MAGI1: variants seen among roughly 807,000 people sequenced by gnomAD.
MAGI1 encodes membrane-associated guanylate kinase, WW and PDZ domain-containing protein 1.
A neutral mutation model predicts 139.9 loss-of-function variants in MAGI1; 58 were observed. The observed-to-expected ratio is 0.41, with a 90% CI of 0.34 to 0.52. The LOEUF is 0.52. Among genes scored for constraint, MAGI1 ranks in the 20% least tolerant of loss-of-function variants. The probability of loss-of-function intolerance (pLI) is 0.12; values close to 1 mark genes in which losing one functional copy is unlikely to be tolerated. For synonymous variants in MAGI1, 812 were observed against 737.9 expected (o/e 1.10, Z -1.63); for missense variants, 1,874 against 1,901.6 (o/e 0.99, Z 0.27).
In MAGI1 at chr3:65,355,017, G is replaced by A. The variant is rs1365744066; in HGVS notation, c.*1361C>T. The A allele has an allele frequency of 3.9e-5, 6 of 152,398 alleles. No homozygotes were observed. The highest frequency in any genetic ancestry group is 4.2e-4 in the South Asian group (2 of 4,818). 9.4% of individuals were successfully genotyped at this position (152,398 alleles called of 1,614,324 possible). ...AAATACACAATGCACTGTAAGCAGCGGTTTGCTGTAGTGGTCCAACAGGTA... is the reference window on the plus strand; with the variant it reads ...AAATACACAATGCACTGTAAGCAGCAGTTTGCTGTAGTGGTCCAACAGGTA... On this transcript the variant is annotated 3_prime_UTR_variant, in exon 23 of 23. Transcript: ENST00000402939.
In MAGI1 at chr3:65,961,832, C is replaced by T. The variant is rs1273208383; in HGVS notation, c.313+76164G>A. ...TCCCCCAACCTTCCTGTCAGGCTTC[C>T]CTTAATAAAGTTTCTGCCAGATAAA... On this transcript the variant is annotated intron_variant, in intron 1 of 22. Coordinates refer to ENST00000402939, the MANE Select transcript of MAGI1 (RefSeq NM_001033057.2). 2.0e-5 allele frequency among the ~76,000 whole-genome samples: 3 copies of T among 152,144 alleles called. No individual in the cohort carries two copies. In the South Asian group the frequency reaches 6.2e-4, roughly 32 times the overall value.
At chr3:65,523,131 T>G (rs1250856001) in intron 2 of MAGI1, among the ~76,000 whole-genome samples, 1 of 152,184 alleles carries the variant, frequency 6.6e-6, no homozygotes, top group East Asian at 1.9e-4. Context: ...ACATATTATG[T>G]TTGCCAGAGT....
chr3:65,738,530 A>G (rs886352723), intron 1 of MAGI1, among the ~76,000 whole-genome samples: 1 of 152,238 alleles, frequency 6.6e-6, no homozygotes, highest in Admixed American at 6.5e-5. Flanking sequence ...AAGATTTTCA[A>G]CTTACTTTGA....
intron 2 of MAGI1, among the ~76,000 whole-genome samples, chr3:65,577,943 C>T (rs1443450165): frequency 6.6e-6 from 1 of 152,188 alleles, no homozygotes; most frequent in Non-Finnish European, 1.5e-5. Context: ...GTCTCTCTTT[C>T]TCTCTCTCAC....
intron 1 of MAGI1, among the ~76,000 whole-genome samples, chr3:65,887,970 ACTGT>A (rs2108557992): frequency 6.6e-6 from 1 of 152,272 alleles, no homozygotes; most frequent in Non-Finnish European, 1.5e-5. Flanking sequence ...TCAATAACTG[ACTGT>A]ATCATTCAAG....
intron 2 of MAGI1, among the ~76,000 whole-genome samples, chr3:65,506,310 G>A (rs1057132788): frequency 6.6e-6 from 1 of 152,112 alleles, no homozygotes; most frequent in Non-Finnish European, 1.5e-5. Flanking sequence ...GTCATAATAT[G>A]CATTAACCAT....
intron 13 of MAGI1, among the ~76,000 whole-genome samples, chr3:65,392,083 C>T (rs1943969486): frequency 6.6e-6 from 1 of 152,162 alleles, no homozygotes; most frequent in Non-Finnish European, 1.5e-5. Flanking sequence ...GGGGGCCAGC[C>T]TTCTTAGATC....
chr3:65,550,871 T>G (rs972277887), intron 2 of MAGI1, among the ~76,000 whole-genome samples: 4 of 151,936 alleles, frequency 2.6e-5, no homozygotes, highest in Non-Finnish European at 4.4e-5. Context: ...CTTGGGAGGC[T>G]GAGGTGAGAG....
chr3:65,787,924 G>A (rs777287517), intron 1 of MAGI1, among the ~76,000 whole-genome samples: 6 of 152,110 alleles, frequency 3.9e-5, no homozygotes, highest in Admixed American at 6.5e-5. Context: ...GGAAAGTGAC[G>A]GGGTTAAGAA....
chr3:65,831,279 G>A (rs773940824), intron 1 of MAGI1, among the ~76,000 whole-genome samples: 8 of 152,136 alleles, frequency 5.3e-5, no homozygotes, highest in African/African-American at 1.4e-4. Flanking sequence ...AGCCTCCTCC[G>A]CTAATTCTGA....
chr3:65,884,264 G>A (rs1452500114), intron 1 of MAGI1, among the ~76,000 whole-genome samples: 3 of 151,986 alleles, frequency 2.0e-5, no homozygotes, highest in Non-Finnish European at 4.4e-5. Flanking sequence ...GATACAACAA[G>A]GAACTAGTGA....
intron 2 of MAGI1, among the ~76,000 whole-genome samples, chr3:65,569,326 A>AGGATGATGAAAAAGTTCTTGAGTT (rs1455367356): frequency 1.4e-4 from 22 of 152,220 alleles, no homozygotes; most frequent in Admixed American, 1.0e-3. Flanking sequence ...GTTTCAGTGT[A>AGGATGATGAAAAAGTTCTTGAGTT]GGATGATGAA....
At chr3:65,496,634 G>T (rs1952478012) in intron 2 of MAGI1, among the ~76,000 whole-genome samples, 1 of 152,120 alleles carries the variant, frequency 6.6e-6, no homozygotes. Flanking sequence ...TATTTATCCT[G>T]ATGCTCTCCA....
At chr3:65,750,237 AG>A (rs938445149) in intron 1 of MAGI1, among the ~76,000 whole-genome samples, 106 of 152,348 alleles carry the variant, frequency 7.0e-4, no homozygotes, top group African/African-American at 2.3e-3. Flanking sequence ...GATGGAGGGC[AG>A]GAACAGAAAT....
intron 1 of MAGI1, among the ~76,000 whole-genome samples, chr3:65,939,086 G>C (rs1346916047): frequency 1.3e-5 from 2 of 152,022 alleles, no homozygotes; most frequent in Non-Finnish European, 2.9e-5. Flanking sequence ...TAAAGAAAAA[G>C]AAAAACACAT....
At chr3:65,535,500 A>G (rs2078922952) in intron 2 of MAGI1, among the ~76,000 whole-genome samples, 1 of 152,204 alleles carries the variant, frequency 6.6e-6, no homozygotes, top group South Asian at 2.1e-4. Flanking sequence ...TGTGTTCAAG[A>G]AAAAGAACAG....
intron 2 of MAGI1, among the ~76,000 whole-genome samples, chr3:65,577,891 C>A (rs539890135): frequency 4.6e-5 from 7 of 152,320 alleles, no homozygotes; most frequent in African/African-American, 1.7e-4. Flanking sequence ...CAACCACATT[C>A]TTTTATTTGC....
At chr3:65,542,504 ATAC>A (rs2079285213) in intron 2 of MAGI1, among the ~76,000 whole-genome samples, 1 of 152,250 alleles carries the variant, frequency 6.6e-6, no homozygotes, top group African/African-American at 2.4e-5. Flanking sequence ...ACTTCAAACT[ATAC>A]TACAAGGCTA....
chr3:65,522,950 A>C (rs542431013), intron 2 of MAGI1, among the ~76,000 whole-genome samples: 1 of 152,238 alleles, frequency 6.6e-6, no homozygotes, highest in East Asian at 1.9e-4. Flanking sequence ...TTCCTCCAGG[A>C]ACCTTGTCTG....
Sources: allele counts gnomAD v4.1 joint callset (sites outside exome capture counted in the v4.1 genomes callset), GRCh38; gene constraint gnomAD v4.1.1; transcripts MANE v1.5; gene names NCBI Gene and HGNC (gene_info 2026-07-23, HGNC 2026-07-21).